The following SPATA16 variants were observed in gnomAD, a reference collection of about 807,000 sequenced individuals.
SPATA16 encodes the protein spermatogenesis-associated protein 16.
Under a neutral mutation model 63.3 loss-of-function variants are expected in SPATA16, and 36 were observed. The observed-to-expected ratio is 0.57, with a 90% CI of 0.44 to 0.75. The LOEUF (loss-of-function observed/expected upper bound fraction) is 0.75, where lower values mean the gene tolerates loss of function less well. SPATA16 is among the 30% of genes least tolerant of loss of function. The pLI is 0.00. For synonymous variants in SPATA16, 203 were observed against 216.7 expected, an observed-to-expected ratio of 0.94 and a Z score of 0.56; for missense variants, 646 against 679.3, an observed-to-expected ratio of 0.95 and a Z score of 0.54.
At chr3:172,909,138 T>C (rs1399832296) in intron 10 of SPATA16, among the ~76,000 whole-genome samples, 1 of 152,222 alleles carries the variant, frequency 6.6e-6, no homozygotes, top group African/African-American at 2.4e-5. Context: ...GTGGCTGTAC[T>C]GTGTTTCAGC....
chr3:173,063,592 A>G (rs1430514531), intron 2 of SPATA16, among the ~76,000 whole-genome samples: 1 of 152,222 alleles, frequency 6.6e-6, no homozygotes, highest in Non-Finnish European at 1.5e-5. Context: ...TTTGCTGAAC[A>G]GTAGTAAGAC....
chr3:173,032,157 A>C lies in SPATA16; in HGVS notation c.759-12582T>G, dbSNP rs140520532. Among the ~76,000 whole-genome samples the C allele has an allele frequency of 9.7e-4, 148 of 152,240 alleles. 1 individual carries two copies. The highest frequency in any genetic ancestry group is 3.2e-3 in the African/African-American group (131 of 41,576). The stretch of plus-strand genomic sequence containing the variant: ...TGAGGTTTTGAGAAGTCAAACAGAA[A>C]ACAACTCAAATATTGTCTTTCATGT... On this transcript the variant is annotated intron_variant, in intron 3 of 10. Coordinates refer to ENST00000351008, the MANE Select transcript of SPATA16 (RefSeq NM_031955.6).
intron 4 of SPATA16, among the ~76,000 whole-genome samples, chr3:173,010,435 C>CGTGTGTGTGTGTGTGT (rs66547523): frequency 6.2e-4 from 88 of 141,404 alleles, no homozygotes; most frequent in Admixed American, 9.8e-4. Flanking sequence ...CACGTTGTGG[C>CGTGTGTGTGTGTGTGT]GTGTGTGTGT....
At chr3:172,943,356 G>T (rs1232831206) in intron 6 of SPATA16, among the ~76,000 whole-genome samples, 1 of 152,192 alleles carries the variant, frequency 6.6e-6, no homozygotes, top group East Asian at 1.9e-4. Flanking sequence ...ACATGTAAAT[G>T]CCTGCTATCA....
chr3:172,937,691 T>C (rs530855519), intron 6 of SPATA16, among the ~76,000 whole-genome samples: 1 of 152,294 alleles, frequency 6.6e-6, no homozygotes, highest in South Asian at 2.1e-4. Flanking sequence ...AGAGTGTAAA[T>C]ATATATACCC....
At chr3:172,894,971 C>A (rs1731978684) in intron 10 of SPATA16, among the ~76,000 whole-genome samples, 1 of 151,910 alleles carries the variant, frequency 6.6e-6, no homozygotes, top group African/African-American at 2.4e-5. Flanking sequence ...ACAGCCTGAA[C>A]AGGCTAAGGT....
chr3:173,094,003 G>A (rs925754175), intron 2 of SPATA16, among the ~76,000 whole-genome samples: 1 of 150,830 alleles, frequency 6.6e-6, no homozygotes, highest in Middle Eastern at 3.4e-3. Context: ...CCTCTTTCCT[G>A]TGCTGCTCTC....
rs777366072 is a variant in SPATA16, at chr3:172,924,163, C to G, written c.1338+45G>C. 3 of 1,427,594 alleles carry G rather than the reference C, an allele frequency of 2.1e-6. No homozygotes were observed. In the Admixed American group the frequency reaches 5.0e-5, roughly 24 times the overall value. The allele number at this position is 1,427,594 out of a possible 1,614,324, so 88.4% of individuals were successfully genotyped here. ...AAGCCTTATATACTTCTAGAATTCTCTAATATTTGTACATTGGACAAATAT... is the reference window on the plus strand; with the variant it reads ...AAGCCTTATATACTTCTAGAATTCTGTAATATTTGTACATTGGACAAATAT... On this transcript the variant is annotated intron_variant, in intron 8 of 10. Coordinates refer to ENST00000351008, the MANE Select transcript of SPATA16 (RefSeq NM_031955.6).
intron 5 of SPATA16, among the ~76,000 whole-genome samples, chr3:172,966,259 T>C (rs1194001852): frequency 6.6e-6 from 1 of 152,252 alleles, no homozygotes. Flanking sequence ...GTCCAGTCTC[T>C]GGTTACATCT....
At chr3:173,066,584 A>C (rs1345965923) in intron 2 of SPATA16, among the ~76,000 whole-genome samples, 1 of 152,230 alleles carries the variant, frequency 6.6e-6, no homozygotes, top group African/African-American at 2.4e-5. Context: ...CAAGAGTCAC[A>C]GTAGTCCTGG....
At chr3:172,912,670 T>G (rs1732394270) in intron 10 of SPATA16, among the ~76,000 whole-genome samples, 1 of 152,182 alleles carries the variant, frequency 6.6e-6, no homozygotes, top group Non-Finnish European at 1.5e-5. Flanking sequence ...TTAATAACAT[T>G]TTCTTTTTTC....
At chr3:173,107,561 A>G (rs947110071) in intron 2 of SPATA16, among the ~76,000 whole-genome samples, 1 of 152,050 alleles carries the variant, frequency 6.6e-6, no homozygotes, top group Non-Finnish European at 1.5e-5. Context: ...TGAATGTCAA[A>G]TGAGGCAAAA....
chr3:173,014,281 G>A (rs1735132838), intron 4 of SPATA16, among the ~76,000 whole-genome samples: 1 of 152,220 alleles, frequency 6.6e-6, no homozygotes, highest in Admixed American at 6.5e-5. Flanking sequence ...GTTCTTTACA[G>A]CAACATGGAT....
chr3:172,956,343 A>G (rs1247906355), intron 6 of SPATA16, among the ~76,000 whole-genome samples: 1 of 152,132 alleles, frequency 6.6e-6, no homozygotes, highest in Non-Finnish European at 1.5e-5. Flanking sequence ...GCAGGAAAAT[A>G]CTATAATCAT....
At chr3:173,063,001 G>A (rs149335917) in intron 2 of SPATA16, among the ~76,000 whole-genome samples, 135 of 152,290 alleles carry the variant, frequency 8.9e-4, no homozygotes, top group Middle Eastern at 6.8e-3. Context: ...CCTGCTGTGC[G>A]GCCCTGTTCC....
chr3:173,132,084 G>A (rs1738401400), intron 1 of SPATA16, among the ~76,000 whole-genome samples: 1 of 151,986 alleles, frequency 6.6e-6, no homozygotes, highest in Non-Finnish European at 1.5e-5. Context: ...AAGAGAGTGA[G>A]AAATGATAAA....
intron 10 of SPATA16, among the ~76,000 whole-genome samples, chr3:172,895,820 A>C (rs563714239): frequency 1.3e-5 from 2 of 152,152 alleles, no homozygotes; most frequent in Non-Finnish European, 2.9e-5. Flanking sequence ...CATTAGTTAG[A>C]TTATTTCCAG....
At chr3:172,938,467 C>T (rs1733064242) in intron 6 of SPATA16, among the ~76,000 whole-genome samples, 1 of 152,068 alleles carries the variant, frequency 6.6e-6, no homozygotes, top group South Asian at 2.1e-4. Flanking sequence ...AGTCTTAATA[C>T]AGCACTATAC....
rs369060413 is a variant in SPATA16 at position 172,941,681 on chromosome 3, A to G, written c.1081+14996T>C. ...CTCTCACTTTGGGAACTTCCAAAGGATGCACTTTAGAAAGAAGGAAATAAA... is the reference window on the plus strand; with the variant it reads ...CTCTCACTTTGGGAACTTCCAAAGGGTGCACTTTAGAAAGAAGGAAATAAA... On this transcript the variant is annotated intron_variant, in intron 6 of 10. Coordinates refer to ENST00000351008, the MANE Select transcript of SPATA16 (RefSeq NM_031955.6). Among the ~76,000 whole-genome samples the G allele has an allele frequency of 1.4e-4, 22 of 152,314 alleles. No individual in the cohort carries two copies. The South Asian group carries it at 4.6e-3, about 32-fold the overall frequency.
Sources: gnomAD v4.1 joint callset for allele counts (sites outside exome capture counted in the v4.1 genomes callset) on GRCh38, gnomAD v4.1.1 for gene constraint, MANE v1.5 for transcripts, NCBI Gene and HGNC (gene_info 2026-07-23, HGNC 2026-07-21) for gene names.